The following ATF6 variants were observed in gnomAD, a reference collection of about 807,000 sequenced individuals.
ATF6 encodes activating transcription factor 6.
A neutral mutation model predicts 83.6 loss-of-function variants in ATF6; 53 were observed. That is an observed-to-expected ratio of 0.63 (90% CI 0.51 to 0.80). The LOEUF (loss-of-function observed/expected upper bound fraction) is 0.80, where lower values mean the gene tolerates loss of function less well. Among genes scored for constraint, ATF6 ranks in the 30% least tolerant of loss-of-function variants. The probability of loss-of-function intolerance (pLI) is 0.00; values close to 1 mark genes in which losing one functional copy is unlikely to be tolerated. For missense variants in ATF6, 744 were observed against 797.9 expected (o/e 0.93, Z 0.81); for synonymous variants, 288 against 285.8 (o/e 1.01, Z -0.08).
At position 161,802,951 on chromosome 1, in the gene ATF6, T is replaced by G. The variant is rs1486339487; in HGVS notation, c.909+679T>G. 2.0e-5 allele frequency among the ~76,000 whole-genome samples: 3 copies of G among 152,256 alleles called. No homozygotes were observed. In the East Asian group the frequency reaches 5.8e-4, roughly 29 times the overall value. Reference sequence around the variant, plus strand: ...AAATGATTGGAAATAACTTATGTATTAAATTGAACATCTTGGTCCTAAAAT... The same window carrying G: ...AAATGATTGGAAATAACTTATGTATGAAATTGAACATCTTGGTCCTAAAAT... On this transcript the variant is annotated intron_variant, in intron 7 of 15. Transcript: ENST00000367942.
intron 9 of ATF6, among the ~76,000 whole-genome samples, chr1:161,830,678 A>T (rs1480515101): frequency 6.6e-6 from 1 of 152,264 alleles, no homozygotes; most frequent in African/African-American, 2.4e-5. Context: ...GACAAACCTG[A>T]CAAAACCAAG....
intron 6 of ATF6, among the ~76,000 whole-genome samples, chr1:161,797,307 G>A (rs1328586330): frequency 6.6e-6 from 1 of 152,028 alleles, no homozygotes; most frequent in Non-Finnish European, 1.5e-5. Flanking sequence ...CATAGTGCTG[G>A]AAGTTGTAGC....
At chr1:161,945,591 T>C (rs1431848279) in intron 15 of ATF6, among the ~76,000 whole-genome samples, 2 of 152,344 alleles carry the variant, frequency 1.3e-5, no homozygotes, top group Middle Eastern at 3.4e-3. Flanking sequence ...AGTATACTTA[T>C]CTTTTTCAAC....
At chr1:161,898,838 G>A (rs375836212) in intron 14 of ATF6, among the ~76,000 whole-genome samples, 4 of 152,110 alleles carry the variant, frequency 2.6e-5, no homozygotes, top group East Asian at 1.9e-4. Context: ...GTGAGCCACC[G>A]TGCCAGGCCT....
At chr1:161,832,543 G>A (rs906034695) in intron 9 of ATF6, among the ~76,000 whole-genome samples, 13 of 152,142 alleles carry the variant, frequency 8.5e-5, no homozygotes, top group African/African-American at 2.4e-4. Flanking sequence ...TGGAAAATCG[G>A]GTCACTACCA....
At chr1:161,779,741 T>G (rs1285242744) in intron 2 of ATF6, among the ~76,000 whole-genome samples, 1 of 152,098 alleles carries the variant, frequency 6.6e-6, no homozygotes, top group Non-Finnish European at 1.5e-5. Flanking sequence ...ACAAGGCTGC[T>G]TAATTTTTTT....
At chr1:161,772,746 G>A (rs1475514611) in intron 1 of ATF6, among the ~76,000 whole-genome samples, 2 of 148,160 alleles carry the variant, frequency 1.3e-5, no homozygotes, top group Admixed American at 6.8e-5. Context: ...TATCTAGATA[G>A]TACTCTAGCT....
At chr1:161,820,808 A>G (rs917957654) in intron 8 of ATF6, among the ~76,000 whole-genome samples, 13 of 152,186 alleles carry the variant, frequency 8.5e-5, no homozygotes, top group African/African-American at 2.2e-4. Flanking sequence ...GGCAACTGCA[A>G]TGGAGTGGCT....
At chr1:161,902,284 G>T (rs1032713300) in intron 14 of ATF6, among the ~76,000 whole-genome samples, 1 of 152,172 alleles carries the variant, frequency 6.6e-6, no homozygotes, top group African/African-American at 2.4e-5. Context: ...TTATGCTTCA[G>T]TAGGCAGCAA....
At chr1:161,864,359 T>C (rs1182710422) in intron 14 of ATF6, among the ~76,000 whole-genome samples, 1 of 152,184 alleles carries the variant, frequency 6.6e-6, no homozygotes, top group Non-Finnish European at 1.5e-5. Context: ...ACTGTGGGAC[T>C]TGAGTATGTA....
intron 14 of ATF6, among the ~76,000 whole-genome samples, chr1:161,898,321 A>C (rs906748832): frequency 6.6e-6 from 1 of 152,148 alleles, no homozygotes; most frequent in African/African-American, 2.4e-5. Context: ...TTTATAAACC[A>C]AATAGAGGGT....
At chr1:161,800,444 G>A (rs1359752508) in intron 6 of ATF6, among the ~76,000 whole-genome samples, 1 of 152,076 alleles carries the variant, frequency 6.6e-6, no homozygotes, top group Non-Finnish European at 1.5e-5. Flanking sequence ...TAGTTGTTTG[G>A]CACCACCATC....
intron 14 of ATF6, among the ~76,000 whole-genome samples, chr1:161,869,624 G>C (rs1258140896): frequency 6.6e-6 from 1 of 151,688 alleles, no homozygotes; most frequent in Non-Finnish European, 1.5e-5. Flanking sequence ...CTTTTAGAAG[G>C]CTTTTTAAAA....
intron 14 of ATF6, among the ~76,000 whole-genome samples, chr1:161,904,273 A>T (rs939843734): frequency 6.6e-6 from 1 of 152,186 alleles, no homozygotes; most frequent in African/African-American, 2.4e-5. Flanking sequence ...CAAATGCATC[A>T]TACCTTAAAA....
At chr1:161,844,002 T>C (rs1008420300) in intron 9 of ATF6, among the ~76,000 whole-genome samples, 1 of 152,194 alleles carries the variant, frequency 6.6e-6, no homozygotes, top group African/African-American at 2.4e-5. Context: ...GCAAAAGTAA[T>C]GGTTCAAAAT....
intron 10 of ATF6, 82 bp downstream of exon 10, chr1:161,846,662 A>G: frequency 7.4e-7 from 1 of 1,353,630 alleles, no homozygotes; most frequent in Non-Finnish European, 9.8e-7. Context: ...ATAACATTGC[A>G]TCTAAATTGT....
Position 161,959,914 on chromosome 1 carries a change from A to G in ATF6, c.*1260A>G, listed in dbSNP as rs1689060639. On this transcript the variant is annotated 3_prime_UTR_variant, in exon 16 of 16. Transcript: ENST00000367942. ...GGAATATGGAAGTAACTTTAGACTTAAACAAGACAAAAGTTTTTTCACTGA... is the reference window on the plus strand; with the variant it reads ...GGAATATGGAAGTAACTTTAGACTTGAACAAGACAAAAGTTTTTTCACTGA... 2 of 152,244 alleles carry G rather than the reference A, an allele frequency of 1.3e-5. No homozygotes were observed. The highest frequency in any genetic ancestry group is 2.9e-5 in the Non-Finnish European group (2 of 68,032). The allele number at this position is 152,244 out of a possible 1,614,324, so 9.4% of individuals were successfully genotyped here. A position where few individuals can be genotyped will look rare whatever the true frequency, so the allele number is the denominator to read the frequency against.
chr1:161,802,642 C>T (rs971520206), intron 7 of ATF6, among the ~76,000 whole-genome samples: 4 of 152,092 alleles, frequency 2.6e-5, no homozygotes, highest in African/African-American at 4.8e-5. Flanking sequence ...AATGTTTTAG[C>T]GATCTTCAGA....
At chr1:161,853,140 G>C (rs1045671076) in intron 11 of ATF6, 84 bp from the exon 12 acceptor site, 13 of 963,900 alleles carry the variant, frequency 1.3e-5, no homozygotes, top group Non-Finnish European at 2.0e-5. Flanking sequence ...CAAATGATTA[G>C]ATTCATTTCC....
Sources: gnomAD v4.1 joint callset for allele counts (sites outside exome capture counted in the v4.1 genomes callset) on GRCh38, gnomAD v4.1.1 for gene constraint, MANE v1.5 for transcripts, NCBI Gene and HGNC (gene_info 2026-07-23, HGNC 2026-07-21) for gene names.